Variants in BRSK2 observed in about 807,000 individuals in gnomAD.
BRSK2 encodes BR serine/threonine kinase 2, also known as serine/threonine-protein kinase BRSK2.
In BRSK2, 19 loss-of-function variants were observed where a neutral mutation model predicts 83.3. The observed-to-expected ratio is 0.23, with a 90% CI of 0.16 to 0.33. BRSK2 has a LOEUF of 0.33. BRSK2 is among the 10% of genes least tolerant of loss of function. BRSK2 has a pLI of 1.00. For synonymous variants in BRSK2, 519 were observed against 435.4 expected, an observed-to-expected ratio of 1.19 and a Z score of -2.39; for missense variants, 798 against 1,042.3, an observed-to-expected ratio of 0.77 and a Z score of 3.23.
chr11:1,409,965 CTG>C (rs1456778565), intron 1 of BRSK2: 1 of 87,358 alleles, frequency 1.1e-5, no homozygotes, highest in Non-Finnish European at 2.2e-5. Context: ...GTCGCAGAGT[CTG>C]TGTTTTGGGG....
intron 1 of BRSK2, among the ~76,000 whole-genome samples, chr11:1,392,026 G>T (rs373681547): frequency 6.6e-6 from 1 of 152,204 alleles, no homozygotes; most frequent in Non-Finnish European, 1.5e-5. Context: ...CAGCTCGAGG[G>T]GGGGCACAAA....
chr11:1,452,920 G>A (rs919511080), intron 15 of BRSK2, among the ~76,000 whole-genome samples: 7 of 152,218 alleles, frequency 4.6e-5, no homozygotes, highest in African/African-American at 1.7e-4. Context: ...TGTCAACCAG[G>A]CACCCCAGAG....
intron 1 of BRSK2, among the ~76,000 whole-genome samples, chr11:1,404,141 G>A (rs1322836197): frequency 6.6e-6 from 1 of 152,208 alleles, no homozygotes; most frequent in Non-Finnish European, 1.5e-5. Context: ...TGGGCACACA[G>A]CACCTCCAGC....
Position 1,460,875 on chromosome 11 carries a change from C to G in BRSK2, c.*152C>G. On this transcript the variant is annotated 3_prime_UTR_variant, in exon 20 of 20. Transcript: ENST00000528841. ...GAAAGGAAAGGGGCGTTGGGGCCGGCCTGTGGGCTGCGCCACCCGCGCCCG... is the reference window on the plus strand; with the variant it reads ...GAAAGGAAAGGGGCGTTGGGGCCGGGCTGTGGGCTGCGCCACCCGCGCCCG... 6.3e-7 allele frequency: 1 copy of G among 1,589,078 alleles called. No homozygotes were observed. The highest frequency in any genetic ancestry group is 1.1e-5 in the South Asian group (1 of 88,162).
At chr11:1,451,567 G>A (rs1337619144) in intron 15 of BRSK2, 148 bp downstream of exon 15, 15 of 834,146 alleles carry the variant, frequency 1.8e-5, no homozygotes, top group Non-Finnish European at 2.9e-5. Context: ...CGGCCACTGA[G>A]TCTCTGAAGT....
intron 6 of BRSK2, 40 bp downstream of exon 6, chr11:1,443,179 G>A: frequency 6.5e-7 from 1 of 1,534,930 alleles, no homozygotes; most frequent in Non-Finnish European, 8.7e-7. Context: ...TGGGGCCCAG[G>A]GTGGCGGGGA....
intron 1 of BRSK2, among the ~76,000 whole-genome samples, chr11:1,402,307 C>G (rs1449989901): frequency 6.6e-6 from 1 of 152,218 alleles, no homozygotes; most frequent in Admixed American, 6.5e-5. Flanking sequence ...TGACAGACTC[C>G]TCCAAGTCAC....
At chr11:1,396,738 G>C (rs985301990) in intron 1 of BRSK2, among the ~76,000 whole-genome samples, 3 of 152,232 alleles carry the variant, frequency 2.0e-5, no homozygotes, top group Non-Finnish European at 4.4e-5. Context: ...AGCCCTGCTG[G>C]GCAGCCGGCA....
intron 1 of BRSK2, among the ~76,000 whole-genome samples, chr11:1,433,596 G>T (rs910544460): frequency 3.9e-5 from 6 of 152,266 alleles, no homozygotes; most frequent in African/African-American, 1.4e-4. Flanking sequence ...CGTGTGTGGG[G>T]CTGAGTCCTT....
chr11:1,427,393 T>A (rs970961034), intron 1 of BRSK2, among the ~76,000 whole-genome samples: 6 of 152,098 alleles, frequency 3.9e-5, no homozygotes, highest in Non-Finnish European at 7.4e-5. Context: ...GTCCTGGGGC[T>A]CCCTTTGACT....
At chr11:1,427,249 C>A (rs1849342342) in intron 1 of BRSK2, among the ~76,000 whole-genome samples, 2 of 152,322 alleles carry the variant, frequency 1.3e-5, no homozygotes, top group South Asian at 4.1e-4. Context: ...GCCTGCCAGT[C>A]CTCCTGGGTA....
chr11:1,414,362 G>T (rs1255358988), intron 1 of BRSK2, among the ~76,000 whole-genome samples: 4 of 152,226 alleles, frequency 2.6e-5, no homozygotes, highest in Admixed American at 2.6e-4. Context: ...GTGCTCCGGG[G>T]ATCTCAGGGC....
At chr11:1,419,546 G>C (rs10766906) in intron 1 of BRSK2, among the ~76,000 whole-genome samples, 1 of 151,916 alleles carries the variant, frequency 6.6e-6, no homozygotes. Flanking sequence ...AGTCGTTTTT[G>C]TAGACCTTGT....
At chr11:1,446,926 C>G (rs1051039605) in intron 12 of BRSK2, among the ~76,000 whole-genome samples, 2 of 152,142 alleles carry the variant, frequency 1.3e-5, no homozygotes. Flanking sequence ...GTGGCCTGTT[C>G]CTCGGGAACT....
intron 1 of BRSK2, among the ~76,000 whole-genome samples, chr11:1,417,927 G>A (rs1486066255): frequency 1.3e-5 from 2 of 149,356 alleles, no homozygotes; most frequent in East Asian, 2.1e-4. Context: ...TGCTTCTGTT[G>A]GCAGTTTCTT....
intron 14 of BRSK2, among the ~76,000 whole-genome samples, chr11:1,451,164 G>A (rs1013051911): frequency 1.3e-5 from 2 of 152,220 alleles, no homozygotes; most frequent in African/African-American, 4.8e-5. Flanking sequence ...ACCAGAGGCG[G>A]GGACAGCTCC....
At chr11:1,451,463 C>T (rs1166111903) in intron 15 of BRSK2, 44 bp downstream of exon 15, 1 of 1,595,652 alleles carries the variant, frequency 6.3e-7, no homozygotes. Flanking sequence ...TGACACCAGG[C>T]TGGCCGGGAG....
intron 1 of BRSK2, among the ~76,000 whole-genome samples, chr11:1,402,749 G>T (rs1226652263): frequency 2.0e-5 from 3 of 152,186 alleles, no homozygotes; most frequent in African/African-American, 7.2e-5. Flanking sequence ...GGGACACAGG[G>T]TCTCCTGCCA....
intron 1 of BRSK2, among the ~76,000 whole-genome samples, chr11:1,424,744 G>C (rs984339113): frequency 6.6e-6 from 1 of 151,726 alleles, no homozygotes; most frequent in Admixed American, 6.6e-5. Flanking sequence ...AGTCGGGGGG[G>C]CCAGGCAGGG....
Sources: allele counts gnomAD v4.1 joint callset (sites outside exome capture counted in the v4.1 genomes callset), GRCh38; gene constraint gnomAD v4.1.1; transcripts MANE v1.5; gene names NCBI Gene and HGNC (gene_info 2026-07-23, HGNC 2026-07-21).